The following TUSC3 variants were observed in gnomAD, a reference collection of about 807,000 sequenced individuals.
The protein encoded by TUSC3 is dolichyl-diphosphooligosaccharide--protein glycosyltransferase subunit TUSC3.
In TUSC3, 45 loss-of-function variants were observed where a neutral mutation model predicts 44.8. That is an observed-to-expected ratio of 1.00 (90% CI 0.79 to 1.29). The LOEUF (loss-of-function observed/expected upper bound fraction) is 1.29. Ranked by LOEUF, TUSC3 falls within the 50% of genes most tolerant of loss-of-function variation. TUSC3 has a pLI of 0.00. For synonymous variants in TUSC3, 212 were observed against 152.9 expected (o/e 1.39, Z -2.85); for missense variants, 519 against 437.9 (o/e 1.19, Z -1.65).
chr8:15,625,251 T>G (rs1288029718), intron 2 of TUSC3, among the ~76,000 whole-genome samples: 1 of 152,214 alleles, frequency 6.6e-6, no homozygotes, highest in Non-Finnish European at 1.5e-5. Flanking sequence ...TGCTAATTTT[T>G]TTTTGAAGAA....
intron 6 of TUSC3, among the ~76,000 whole-genome samples, chr8:15,714,420 T>C (rs1809984422): frequency 6.6e-6 from 1 of 152,180 alleles, no homozygotes; most frequent in South Asian, 2.1e-4. Context: ...AGAAAGTGTT[T>C]GAATTATCAC....
chr8:15,539,557 C>G (rs970641857), upstream of TUSC3, among the ~76,000 whole-genome samples: 16 of 151,800 alleles, frequency 1.1e-4, no homozygotes, highest in Middle Eastern at 6.8e-3. Flanking sequence ...CCCCATGTTA[C>G]GGCAGGCTGG....
chr8:15,730,768 C>G (rs1249350170), intron 7 of TUSC3, 39 bp downstream of exon 7: 2 of 1,585,370 alleles, frequency 1.3e-6, no homozygotes, highest in African/African-American at 2.7e-5. Context: ...AAAGGGCAAA[C>G]TAAAGCTACA....
intron 1 of TUSC3, among the ~76,000 whole-genome samples, chr8:15,422,399 C>G (rs1433676629): frequency 6.6e-6 from 1 of 152,076 alleles, no homozygotes; most frequent in Non-Finnish European, 1.5e-5. Context: ...AGAGATTACT[C>G]CTTGTTCTTC....
chr8:15,459,855 TATGTGTGTGTGTGTGTGTGTATAC>T (rs1246891093), intron 1 of TUSC3, among the ~76,000 whole-genome samples: 4 of 142,576 alleles, frequency 2.8e-5, no homozygotes, highest in African/African-American at 1.2e-4. Flanking sequence ...TGTGTGTGTG[TATGTGTGTGTGTGTGTGTGTATAC>T]ATACATACAT....
chr8:15,667,103 C>A (rs1807694756), intron 5 of TUSC3, among the ~76,000 whole-genome samples: 1 of 151,634 alleles, frequency 6.6e-6, no homozygotes, highest in East Asian at 1.9e-4. Flanking sequence ...ATACATGGAT[C>A]TACTACACTT....
At chr8:15,459,696 A>G (rs905329884) in intron 1 of TUSC3, among the ~76,000 whole-genome samples, 5 of 152,008 alleles carry the variant, frequency 3.3e-5, no homozygotes, top group Admixed American at 2.6e-4. Flanking sequence ...TTTAGCTTTC[A>G]CATATCAGTG....
chr8:15,701,718 A>G (rs1809415322), intron 6 of TUSC3, among the ~76,000 whole-genome samples: 1 of 152,156 alleles, frequency 6.6e-6, no homozygotes. Context: ...CTGTGCTGAA[A>G]TGGTTTAAGG....
upstream of TUSC3, among the ~76,000 whole-genome samples, chr8:15,539,256 C>G (rs146524934): frequency 4.4e-3 from 665 of 151,024 alleles, 8 homozygotes; most frequent in African/African-American, 0.015. Context: ...GTGAAGAAAT[C>G]TCTAGATACT....
rs1294998475 is a variant in TUSC3, at chr8:15,559,035, T to C, written c.138+18467T>C. On this transcript the variant is annotated intron_variant, in intron 1 of 10. Coordinates refer to ENST00000503731, the MANE Select transcript of TUSC3 (RefSeq NM_006765.4). ...TGCTCTGATTTTAGTTATTTCTTGC[T>C]TTCTGCTAGCTTTTGAATGTGTTTG... Among the ~76,000 whole-genome samples the C allele has an allele frequency of 1.0e-4, 15 of 146,380 alleles. No individual in the cohort carries two copies. The South Asian group carries it at 1.4e-3, about 13-fold the overall frequency.
At chr8:15,643,010 T>A (rs1225476834) in intron 2 of TUSC3, among the ~76,000 whole-genome samples, 3 of 152,242 alleles carry the variant, frequency 2.0e-5, no homozygotes, top group Non-Finnish European at 1.5e-5. Flanking sequence ...CACTTTGAAT[T>A]GTTCCCATAA....
At chr8:15,759,469 C>T (rs1812079799) in intron 10 of TUSC3, among the ~76,000 whole-genome samples, 2 of 151,860 alleles carry the variant, frequency 1.3e-5, no homozygotes. Flanking sequence ...CAGATGGAGT[C>T]ATTAATTCAA....
chr8:15,662,021 T>C lies in TUSC3; in HGVS notation c.568-135T>C, dbSNP rs1807446549. The stretch of plus-strand genomic sequence containing the variant: ...ATATCTTATGGCAGAATGAAAGTAG[T>C]GCTAGTGTCACGTATGAAAAGTTGG... On this transcript the variant is annotated intron_variant, in intron 4 of 10. Coordinates refer to ENST00000503731, the MANE Select transcript of TUSC3 (RefSeq NM_006765.4). The C allele has an allele frequency of 1.9e-5, 17 of 916,352 alleles. No homozygotes were observed. In the South Asian group the frequency reaches 2.3e-4, roughly 13 times the overall value. The allele number at this position is 916,352 out of a possible 1,614,324, so 56.8% of individuals were successfully genotyped here.
chr8:15,419,775 G>A (rs575805512), intron 1 of TUSC3, among the ~76,000 whole-genome samples: 175 of 152,288 alleles, frequency 1.1e-3, no homozygotes, highest in Middle Eastern at 6.8e-3. Context: ...TAAAATAAGG[G>A]TAGGTGTTTA....
At chr8:15,775,683 C>G in the TUSC3 span, among the ~76,000 whole-genome samples, 1 of 120,302 alleles carries the variant, frequency 8.3e-6, no homozygotes, top group Non-Finnish European at 1.9e-5. Context: ...CACATAAATA[C>G]ATATGTACAC....
Position 15,512,110 on chromosome 8 carries a change from A to G in TUSC3, n.189+28627A>G, listed in dbSNP as rs559714682. On this transcript the variant is annotated intron_variant and non_coding_transcript_variant, in intron 2 of 5. Transcript: ENST00000503191. ...GGAAGACTTGTACTACGTAATTTCA[A>G]AACTTACTATAAAGCTATAATAATT... is the stretch of plus-strand genomic sequence containing the variant. Among the ~76,000 whole-genome samples, 20 of 152,370 alleles carry G rather than the reference A, an allele frequency of 1.3e-4. No individual in the cohort carries two copies. In the South Asian group the frequency reaches 1.9e-3, roughly 14 times the overall value.
At chr8:15,739,510 G>A (rs530363341) in intron 7 of TUSC3, among the ~76,000 whole-genome samples, 25 of 152,152 alleles carry the variant, frequency 1.6e-4, no homozygotes, top group Middle Eastern at 6.8e-3. Flanking sequence ...TTTGAAAAAT[G>A]CTATATTGTT....
At chr8:15,475,220 C>T (rs1464851981) in intron 1 of TUSC3, among the ~76,000 whole-genome samples, 2 of 147,344 alleles carry the variant, frequency 1.4e-5, no homozygotes, top group Non-Finnish European at 3.0e-5. Context: ...TTATTAAATC[C>T]ATTTTTTTGA....
chr8:15,846,758 T>C, the TUSC3 span, among the ~76,000 whole-genome samples: 1 of 151,848 alleles, frequency 6.6e-6, no homozygotes, highest in Non-Finnish European at 1.5e-5. Context: ...TTAGGAGAAT[T>C]ACCTAATGTA....
Sources: gnomAD v4.1 joint callset for allele counts (sites outside exome capture counted in the v4.1 genomes callset) on GRCh38, gnomAD v4.1.1 for gene constraint, MANE v1.5 for transcripts, NCBI Gene and HGNC (gene_info 2026-07-23, HGNC 2026-07-21) for gene names.